USP28: variants seen among roughly 807,000 people sequenced by gnomAD.
The protein encoded by USP28 is ubiquitin specific peptidase 28, also known as ubiquitin carboxyl-terminal hydrolase 28.
A neutral mutation model predicts 145.0 loss-of-function variants in USP28; 113 were observed. The ratio of observed to expected loss-of-function variants is 0.78; its 90% CI spans 0.67 to 0.91. USP28 has a LOEUF of 0.91. USP28 is among the 40% of genes least tolerant of loss of function. The probability of loss-of-function intolerance (pLI) is 0.00; values close to 1 mark genes in which losing one functional copy is unlikely to be tolerated. For missense variants in USP28, 1,201 were observed against 1,289.6 expected (o/e 0.93, Z 1.05); for synonymous variants, 447 against 450.9 (o/e 0.99, Z 0.11).
At chr11:113,816,384 A>G (rs536361631) in intron 13 of USP28, among the ~76,000 whole-genome samples, 2 of 152,176 alleles carry the variant, frequency 1.3e-5, no homozygotes, top group Admixed American at 6.5e-5. Context: ...GCATGGTGGC[A>G]CGCCTGTAGT....
At chr11:113,841,796 T>C (rs1343156565) in intron 3 of USP28, 28 bp from the exon 4 acceptor site, 1 of 1,520,566 alleles carries the variant, frequency 6.6e-7, no homozygotes, top group East Asian at 2.3e-5. Context: ...ATTTAATTAG[T>C]CTATATATAG....
chr11:113,815,649 G>C (rs529503617), intron 13 of USP28, among the ~76,000 whole-genome samples: 1 of 152,278 alleles, frequency 6.6e-6, no homozygotes, highest in South Asian at 2.1e-4. Context: ...CACCAAGCTG[G>C]AAGGTAATGA....
At chr11:113,840,834 T>C in intron 4 of USP28, 77 bp from the exon 5 acceptor site, 1 of 1,477,552 alleles carries the variant, frequency 6.8e-7, no homozygotes. Context: ...ATGCTATAAC[T>C]TTTCGTGGAT....
exon 3 of USP28, chr11:113,852,587 T>C: frequency 2.5e-6 from 4 of 1,614,186 alleles, no homozygotes; most frequent in African/African-American, 1.3e-5. Context: ...CTTAACTCTC[T>C]CATCAGTGAG....
chr11:113,857,436 C>G (rs1254878246), intron 1 of USP28, among the ~76,000 whole-genome samples: 17 of 152,156 alleles, frequency 1.1e-4, no homozygotes, highest in African/African-American at 4.1e-4. Context: ...TCTTCATACA[C>G]AGGTTTTTTG....
chr11:113,815,849 TAC>T (rs770791565), intron 13 of USP28, among the ~76,000 whole-genome samples: 19 of 151,954 alleles, frequency 1.3e-4, no homozygotes, highest in Middle Eastern at 3.4e-3. Context: ...TGGAACAAAA[TAC>T]ACAGAAGGAA....
intron 21 of USP28, 63 bp from the exon 23 acceptor site, chr11:113,803,940 C>G: frequency 6.9e-7 from 1 of 1,447,354 alleles, no homozygotes; most frequent in Non-Finnish European, 9.6e-7. Context: ...TCCTTCCCAT[C>G]TAAGTTTTAA....
At chr11:113,836,574 TAG>T (rs1195887565) in intron 5 of USP28, among the ~76,000 whole-genome samples, 1 of 152,192 alleles carries the variant, frequency 6.6e-6, no homozygotes, top group Non-Finnish European at 1.5e-5. Flanking sequence ...CCTAGGTGAC[TAG>T]AGTCAACATC....
In USP28 at chr11:113,831,120, C is replaced by T. The variant is rs183035697; in HGVS notation, c.834-177G>A. 2.0e-4 allele frequency: 126 copies of T among 616,702 alleles called. No homozygotes were observed. The East Asian group carries it at 3.0e-3, about 15-fold the overall frequency. 38.2% of individuals were successfully genotyped at this position (616,702 alleles called of 1,614,324 possible). A position where few individuals can be genotyped will look rare whatever the true frequency, so the allele number is the denominator to read the frequency against. ...CAAATATTTATTGAACACCTTCTTT[C>T]GAGCATTGTGCTAAACTCTGAAGAC... On this transcript the variant is annotated intron_variant, in intron 8 of 24. Coordinates refer to ENST00000003302, the Ensembl canonical transcript of USP28.
chr11:113,867,405 T>TA (rs780160514), intron 1 of USP28, among the ~76,000 whole-genome samples: 2 of 152,114 alleles, frequency 1.3e-5, no homozygotes, highest in South Asian at 4.1e-4. Flanking sequence ...TAGCTGGAAT[T>TA]ACAGGTGCTC....
chr11:113,804,754 G>A lies in USP28; in HGVS notation c.2580-3C>T, dbSNP rs759636557. Reference sequence around the variant, plus strand: ...CCACCTTCATAATGCTGATTGATCTGTGTGGGACAAAGTTCAGAAAGCAAT... The same window carrying A: ...CCACCTTCATAATGCTGATTGATCTATGTGGGACAAAGTTCAGAAAGCAAT... On this transcript the variant is annotated splice_polypyrimidine_tract_variant and splice_region_variant and intron_variant, in intron 20 of 24. Transcript: ENST00000003302. The A allele has an allele frequency of 6.2e-7, 1 of 1,612,460 alleles. No homozygotes were observed. Among genetic ancestry groups the A allele is most frequent in the Non-Finnish European group, 8.5e-7 (1 of 1,179,996 alleles).
intron 1 of USP28, among the ~76,000 whole-genome samples, chr11:113,855,676 G>A (rs936876859): frequency 1.3e-5 from 2 of 152,148 alleles, no homozygotes; most frequent in African/African-American, 4.8e-5. Flanking sequence ...CAGCACTTTG[G>A]GAGGCCAGGG....
intron 1 of USP28, chr11:113,874,437 A>AC: frequency 9.1e-7 from 1 of 1,095,434 alleles, no homozygotes; most frequent in African/African-American, 1.7e-5. Flanking sequence ...AAAAAAAAAA[A>AC]AAAAAAAAAA....
rs188197427 is a variant in USP28, at chr11:113,829,353, A to C, written c.911-8T>G. The C allele has an allele frequency of 6.2e-7, 1 of 1,613,952 alleles. No homozygotes were observed. The highest frequency in any genetic ancestry group is 1.3e-5 in the African/African-American group (1 of 75,034). On this transcript the variant is annotated splice_region_variant and splice_polypyrimidine_tract_variant and intron_variant, in intron 9 of 24. Transcript: ENST00000003302. ...TGTTACAAAAGGGTTTTCCTAGGCA[A>C]AGAGAGAGACTTTTTAAAAAAGACA...
intron 5 of USP28, chr11:113,835,328 C>T (rs78906564): frequency 8.8e-6 from 4 of 456,010 alleles, no homozygotes; most frequent in Non-Finnish European, 1.8e-5. Context: ...AAGAAGCATC[C>T]TAGGTAGATA....
rs138520718 is a variant in USP28 at position 113,810,922 on chromosome 11, G to A, written c.1972+1354C>T. 2.7e-3 allele frequency among the ~76,000 whole-genome samples: 414 copies of A among 152,290 alleles called. 19 individuals carry two copies. In the East Asian group the frequency reaches 0.07, roughly 26 times the overall value. On this transcript the variant is annotated intron_variant, in intron 16 of 24. Coordinates refer to ENST00000003302, the Ensembl canonical transcript of USP28. ...ACTCCTGGCCTCAAGTGATCCGCCCGCCTTGGCCTCCCAAAGTGCTGGGAT... is the reference window on the plus strand; with the variant it reads ...ACTCCTGGCCTCAAGTGATCCGCCCACCTTGGCCTCCCAAAGTGCTGGGAT...
intron 3 of USP28, among the ~76,000 whole-genome samples, chr11:113,845,086 C>T (rs1201466731): frequency 6.7e-6 from 1 of 149,880 alleles, no homozygotes. Flanking sequence ...CACAACTGCA[C>T]TCCAACCTGG....
In USP28 at chr11:113,838,692, C is replaced by T. The variant is rs1276848139; in HGVS notation, c.534+1906G>A. On this transcript the variant is annotated intron_variant, in intron 5 of 24. Coordinates refer to ENST00000003302, the Ensembl canonical transcript of USP28. Reference sequence around the variant, plus strand: ...ACCCTCTGCCCTCTCCAGCTGAACCCTGTCCAGTCCCCCAGACTCATTCAT... The same window carrying T: ...ACCCTCTGCCCTCTCCAGCTGAACCTTGTCCAGTCCCCCAGACTCATTCAT... Among the ~76,000 whole-genome samples the T allele has an allele frequency of 3.3e-5, 5 of 152,236 alleles. No individual in the cohort carries two copies. The East Asian group carries it at 9.6e-4, about 29-fold the overall frequency.
chr11:113,806,637 C>T, intron 18 of USP28, 53 bp from the exon 20 acceptor site: 1 of 1,312,122 alleles, frequency 7.6e-7, no homozygotes. Flanking sequence ...AAAGGTTCAG[C>T]AGAAGACTGT....
Sources: gnomAD v4.1 joint callset for allele counts (sites outside exome capture counted in the v4.1 genomes callset) on GRCh38, gnomAD v4.1.1 for gene constraint, MANE v1.5 for transcripts, NCBI Gene and HGNC (gene_info 2026-07-23, HGNC 2026-07-21) for gene names.